The following C4orf51 variants were observed in gnomAD, a reference collection of about 807,000 sequenced individuals.
The protein encoded by C4orf51 is chromosome 4 open reading frame 51, also known as uncharacterized protein C4orf51.
C4orf51 carries 25 observed loss-of-function variants against 25.2 expected under a neutral mutation model. The observed-to-expected ratio is 0.99, with a 90% CI of 0.72 to 1.39. C4orf51 has a LOEUF of 1.39. Ranked by LOEUF, C4orf51 falls within the 40% of genes most tolerant of loss-of-function variation. The pLI is 0.00. For synonymous variants in C4orf51, 100 were observed against 84.5 expected, an observed-to-expected ratio of 1.18 and a Z score of -1.01; for missense variants, 252 against 239.6, an observed-to-expected ratio of 1.05 and a Z score of -0.34.
intron 2 of C4orf51, among the ~76,000 whole-genome samples, chr4:145,706,110 CTAATA>C (rs757309829): frequency 2.0e-4 from 30 of 152,054 alleles, no homozygotes; most frequent in Non-Finnish European, 3.2e-4. Context: ...AGACTAGAAT[CTAATA>C]ATAGGTGTAC....
At chr4:145,693,275 C>A (rs1167521616) in intron 1 of C4orf51, among the ~76,000 whole-genome samples, 13 of 150,690 alleles carry the variant, frequency 8.6e-5, no homozygotes, top group South Asian at 8.6e-4. Flanking sequence ...TTAACAAAGC[C>A]CATCTTGCAC....
chr4:145,791,297 T>C, the C4orf51 span, among the ~76,000 whole-genome samples: 1 of 152,160 alleles, frequency 6.6e-6, no homozygotes, highest in African/African-American at 2.4e-5. Context: ...AAGGGCCTCT[T>C]TTATAGGGGC....
chr4:145,788,357 T>C, the C4orf51 span, among the ~76,000 whole-genome samples: 5 of 152,186 alleles, frequency 3.3e-5, no homozygotes, highest in African/African-American at 1.2e-4. Context: ...GCTGATCACA[T>C]AGAACTTGAG....
chr4:145,724,701 G>A (rs915023857), intron 2 of C4orf51, among the ~76,000 whole-genome samples: 17 of 151,884 alleles, frequency 1.1e-4, no homozygotes, highest in Non-Finnish European at 2.4e-4. Flanking sequence ...GGGTAATAGA[G>A]TGAGAACTCA....
At chr4:145,730,780 T>C (rs1732414091) in intron 5 of C4orf51, among the ~76,000 whole-genome samples, 1 of 151,900 alleles carries the variant, frequency 6.6e-6, no homozygotes, top group Non-Finnish European at 1.5e-5. Context: ...CCACCAGTTA[T>C]ACATACATTT....
At chr4:145,730,812 G>T (rs552989517) in intron 5 of C4orf51, among the ~76,000 whole-genome samples, 20 of 152,264 alleles carry the variant, frequency 1.3e-4, no homozygotes, top group African/African-American at 4.6e-4. Context: ...GGAAATGCTG[G>T]TCTTTGGACA....
intron 3 of C4orf51, among the ~76,000 whole-genome samples, chr4:145,727,819 T>G (rs910902677): frequency 6.8e-6 from 1 of 146,924 alleles, no homozygotes. Context: ...GAGGTGGATG[T>G]TGCAGTGAGC....
chr4:145,779,453 G>A, the C4orf51 span: 254 of 1,614,232 alleles, frequency 1.6e-4, 1 homozygote, highest in African/African-American at 2.8e-3. Flanking sequence ...GAAAAAGCTG[G>A]TCATTGAATT....
chr4:145,753,990 C>T (rs11942678), intron 1 of C4orf51, among the ~76,000 whole-genome samples: 1 of 152,128 alleles, frequency 6.6e-6, no homozygotes, highest in African/African-American at 2.4e-5. Context: ...TGACACAGTG[C>T]TGTCCTTGGC....
At chr4:145,788,666 G>A in the C4orf51 span, among the ~76,000 whole-genome samples, 1 of 152,152 alleles carries the variant, frequency 6.6e-6, no homozygotes, top group Non-Finnish European at 1.5e-5. Context: ...GAAGCAAACT[G>A]ACAATATTGA....
At chr4:145,684,353 G>T (rs1388434301) in intron 1 of C4orf51, among the ~76,000 whole-genome samples, 1 of 152,070 alleles carries the variant, frequency 6.6e-6, no homozygotes, top group Non-Finnish European at 1.5e-5. Context: ...TTGGTGGCGG[G>T]TGCCTGTAGT....
At chr4:145,681,066 T>G (rs1269384985) in intron 1 of C4orf51, among the ~76,000 whole-genome samples, 1 of 151,744 alleles carries the variant, frequency 6.6e-6, no homozygotes, top group Non-Finnish European at 1.5e-5. Flanking sequence ...GCAGGCGAGG[T>G]GGGGAATGGA....
At chr4:145,716,472 A>G (rs557499942) in intron 2 of C4orf51, among the ~76,000 whole-genome samples, 2 of 152,320 alleles carry the variant, frequency 1.3e-5, no homozygotes, top group Admixed American at 6.5e-5. Context: ...ACTGCACACT[A>G]TGGAAGGGAA....
chr4:145,681,099 A>G (rs989302203), intron 1 of C4orf51, among the ~76,000 whole-genome samples: 3 of 152,222 alleles, frequency 2.0e-5, no homozygotes, highest in African/African-American at 7.2e-5. Flanking sequence ...ATGGAGAAAG[A>G]ACCATTTAGC....
At position 145,765,569 on chromosome 4, in the gene C4orf51, G is replaced by C; in HGVS notation, n.167-5419G>C. 1 of 1,613,674 alleles carries C rather than the reference G, an allele frequency of 6.2e-7. No individual in the cohort carries two copies. The highest frequency in any genetic ancestry group is 8.5e-7 in the Non-Finnish European group (1 of 1,179,804). On this transcript the variant is annotated intron_variant and non_coding_transcript_variant, in intron 1 of 1. Coordinates refer to the C4orf51 transcript ENST00000510096. The surrounding 1 kb of genome is among the most constrained non-coding windows in gnomAD (Gnocchi z 4.7). ...TACCTTTCTCTGGCTTTTCCTCACT[G>C]TTCAGTGAGGGCTGGCTCCCAGGCA...
intron 1 of C4orf51, among the ~76,000 whole-genome samples, chr4:145,688,322 A>G (rs1729306159): frequency 1.3e-5 from 2 of 152,218 alleles, no homozygotes; most frequent in Non-Finnish European, 2.9e-5. Flanking sequence ...TAGAGAAAAT[A>G]GAGGCAATCT....
intron 1 of C4orf51, among the ~76,000 whole-genome samples, chr4:145,681,114 A>G (rs1728813204): frequency 1.3e-5 from 2 of 152,188 alleles, no homozygotes; most frequent in African/African-American, 4.8e-5. Context: ...TTTAGCCCCA[A>G]GCACTGTCAA....
intron 1 of C4orf51, among the ~76,000 whole-genome samples, chr4:145,691,026 T>C (rs1380078419): frequency 6.6e-6 from 1 of 152,012 alleles, no homozygotes; most frequent in Admixed American, 6.6e-5. Context: ...GGTGGGAGTA[T>C]TGGTTGAGCC....
chr4:145,683,029 G>A (rs956449150), intron 1 of C4orf51, among the ~76,000 whole-genome samples: 6 of 151,672 alleles, frequency 4.0e-5, no homozygotes, highest in South Asian at 2.1e-4. Context: ...AAAAAATCCC[G>A]GAACTAATAA....
Sources: gnomAD v4.1 joint callset for allele counts (sites outside exome capture counted in the v4.1 genomes callset) on GRCh38, gnomAD v4.1.1 for gene constraint, Gnocchi (gnomAD v3.1) non-coding constraint, MANE v1.5 for transcripts, NCBI Gene and HGNC (gene_info 2026-07-23, HGNC 2026-07-21) for gene names.